MCMDC2: variants seen among roughly 807,000 people sequenced by gnomAD.
The protein encoded by MCMDC2 is minichromosome maintenance domain-containing protein 2.
Under a neutral mutation model 75.8 loss-of-function variants are expected in MCMDC2, and 54 were observed. The observed-to-expected ratio is 0.71, with a 90% CI of 0.57 to 0.89. The LOEUF (loss-of-function observed/expected upper bound fraction) is 0.89, where lower values mean the gene tolerates loss of function less well. MCMDC2 is among the 40% of genes least tolerant of loss of function. MCMDC2 has a pLI of 0.00. For synonymous variants in MCMDC2, 249 were observed against 274.6 expected (o/e 0.91, Z 0.92); for missense variants, 656 against 780.4 (o/e 0.84, Z 1.90).
At position 66,883,779 on chromosome 8, in the gene MCMDC2, C is replaced by A; in HGVS notation, c.858C>A (p.Asn286Lys). Residue 286 changes from asparagine to lysine, a missense_variant, in exon 9 of 15, where the codon AAC (asparagine) becomes AAA (lysine). Physicochemically the swap from Asn to Lys is moderately conservative, Grantham distance 94. Transcript: ENST00000422365. ...NSKVPSGISD[N>K]FRCLLSLTSS... ...CAGTTCCTTCAGGAATTAGTGACAA[C>A]TTCAGGTGTCTCCTCTCCTTAACTT... 1 of 1,610,056 alleles carries A rather than the reference C, an allele frequency of 6.2e-7. No individual in the cohort carries two copies. Among genetic ancestry groups the A allele is most frequent in the Non-Finnish European group, 8.5e-7 (1 of 1,177,398 alleles).
At chr8:66,873,009 G>T (rs1490844408) in intron 1 of MCMDC2, among the ~76,000 whole-genome samples, 1 of 148,840 alleles carries the variant, frequency 6.7e-6, no homozygotes, top group Non-Finnish European at 1.5e-5. Flanking sequence ...TAACGTGTTA[G>T]TCATTATTTC....
intron 9 of MCMDC2, among the ~76,000 whole-genome samples, chr8:66,889,548 C>T (rs939671130): frequency 6.6e-5 from 10 of 152,202 alleles, no homozygotes; most frequent in South Asian, 2.1e-4. Context: ...GTAATCCCAG[C>T]GCTTTTTGGG....
At chr8:66,924,124 T>C (rs1481634715), downstream of MCMDC2, among the ~76,000 whole-genome samples, 2 of 152,156 alleles carry the variant, frequency 1.3e-5, no homozygotes, top group Non-Finnish European at 2.9e-5. Context: ...AATTATTTAG[T>C]TTGAAAATTT....
At chr8:66,924,190 AAAT>A (rs959309469), downstream of MCMDC2, among the ~76,000 whole-genome samples, 183 of 152,300 alleles carry the variant, frequency 1.2e-3, no homozygotes, top group African/African-American at 3.9e-3. Flanking sequence ...GAAGCCTCAA[AAAT>A]AATAATACCT....
chr8:66,905,394 CTTAG>C, intron 14 of MCMDC2, 59 bp downstream of exon 14: 2 of 1,248,726 alleles, frequency 1.6e-6, no homozygotes, highest in South Asian at 4.7e-5. Context: ...CTTAAATATT[CTTAG>C]TTGGTTAAAT....
rs1563396194 is a variant in MCMDC2, at chr8:66,921,165, A to G, written c.*1996A>G. ...TTTAAGTTTCTCATTAAAGAGTAGA[A>G]GTGTACATTCAGAAACAATTATGGG... On this transcript the variant is annotated 3_prime_UTR_variant, in exon 15 of 15. Transcript: ENST00000422365. The G allele has an allele frequency of 6.6e-6, 1 of 152,200 alleles. No individual in the cohort carries two copies. The highest frequency in any genetic ancestry group is 1.5e-5 in the Non-Finnish European group (1 of 68,032). The allele number at this position is 152,200 out of a possible 1,614,324, so 9.4% of individuals were successfully genotyped here. A position where few individuals can be genotyped will look rare whatever the true frequency, so the allele number is the denominator to read the frequency against.
chr8:66,896,112 G>A, intron 10 of MCMDC2, 58 bp from the exon 11 acceptor site: 1 of 1,470,074 alleles, frequency 6.8e-7, no homozygotes, highest in South Asian at 1.2e-5. Context: ...TTAGCAATTT[G>A]TAGACATTTA....
intron 14 of MCMDC2, among the ~76,000 whole-genome samples, chr8:66,908,283 T>C (rs1313256200): frequency 6.6e-6 from 1 of 152,154 alleles, no homozygotes; most frequent in African/African-American, 2.4e-5. Flanking sequence ...CTGTTTTCTG[T>C]GTATGGCTAG....
At chr8:66,922,423 A>C (rs1426742359), downstream of MCMDC2, 1 of 494,208 alleles carries the variant, frequency 2.0e-6, no homozygotes, top group Admixed American at 2.1e-5. Flanking sequence ...CCCTTAATTA[A>C]ATTATTGCCT....
chr8:66,886,301 A>ATT (rs1033683219), intron 9 of MCMDC2, among the ~76,000 whole-genome samples: 6 of 151,558 alleles, frequency 4.0e-5, no homozygotes, highest in Non-Finnish European at 8.8e-5. Flanking sequence ...AGTAGCTGGG[A>ATT]TTACAGGCAC....
intron 7 of MCMDC2, 30 bp from the exon 8 acceptor site, chr8:66,880,819 T>C (rs375876368): frequency 1.3e-6 from 2 of 1,494,352 alleles, no homozygotes; most frequent in Non-Finnish European, 1.8e-6. Flanking sequence ...TTAGTGAATA[T>C]GTATTTTCTT....
intron 14 of MCMDC2, among the ~76,000 whole-genome samples, chr8:66,914,238 A>G (rs1813221706): frequency 6.8e-6 from 1 of 147,920 alleles, no homozygotes. Flanking sequence ...AGCCATGATC[A>G]TGCCACTGCA....
chr8:66,909,279 G>A (rs1368577398), intron 14 of MCMDC2, among the ~76,000 whole-genome samples: 3 of 152,170 alleles, frequency 2.0e-5, no homozygotes, highest in African/African-American at 7.2e-5. Context: ...CTCAGTCTCA[G>A]GCAGTTCTTT....
intron 12 of MCMDC2, among the ~76,000 whole-genome samples, chr8:66,898,374 C>T (rs1812460082): frequency 6.6e-6 from 1 of 151,814 alleles, no homozygotes; most frequent in Admixed American, 6.6e-5. Flanking sequence ...GCCTGTAATC[C>T]CAGCACTTTG....
At chr8:66,899,247 T>C (rs1812508542) in intron 12 of MCMDC2, among the ~76,000 whole-genome samples, 3 of 152,214 alleles carry the variant, frequency 2.0e-5, no homozygotes, top group Admixed American at 1.3e-4. Flanking sequence ...ACTCATGTGA[T>C]GTGGACTGTC....
At chr8:66,918,612 C>A (rs560479950) in intron 14 of MCMDC2, among the ~76,000 whole-genome samples, 173 of 152,296 alleles carry the variant, frequency 1.1e-3, no homozygotes, top group African/African-American at 3.9e-3. Flanking sequence ...CCTTCCAGTA[C>A]CTTTTCTCCC....
intron 13 of MCMDC2, among the ~76,000 whole-genome samples, chr8:66,904,321 G>A (rs977108008): frequency 1.3e-5 from 2 of 152,100 alleles, no homozygotes; most frequent in South Asian, 2.1e-4. Flanking sequence ...GAGAAAACAC[G>A]GAGCAATCAA....
intron 1 of MCMDC2, among the ~76,000 whole-genome samples, chr8:66,871,227 G>T (rs1036924046): frequency 6.6e-6 from 1 of 152,042 alleles, no homozygotes; most frequent in African/African-American, 2.4e-5. Context: ...TGATGCCACC[G>T]AACTCCAGGC....
intron 14 of MCMDC2, among the ~76,000 whole-genome samples, chr8:66,909,889 T>G (rs1813036725): frequency 6.6e-6 from 1 of 152,160 alleles, no homozygotes; most frequent in East Asian, 1.9e-4. Context: ...CCTCCCCTCA[T>G]AGTCCCAGAG....
Sources: gnomAD v4.1 joint callset for allele counts (sites outside exome capture counted in the v4.1 genomes callset) on GRCh38, gnomAD v4.1.1 for gene constraint, MANE v1.5 for transcripts, NCBI Gene and HGNC (gene_info 2026-07-23, HGNC 2026-07-21) for gene names.